The following TWIST1 variants were observed in gnomAD, a reference collection of about 807,000 sequenced individuals.
TWIST1 encodes twist-related protein 1.
Under a neutral mutation model 12.9 loss-of-function variants are expected in TWIST1, and 8 were observed. That is an observed-to-expected ratio of 0.62 (90% confidence interval 0.37 to 1.12). The LOEUF (loss-of-function observed/expected upper bound fraction) is 1.12. TWIST1 is among the 50% of genes most tolerant of loss of function. The pLI is 0.02. For synonymous variants in TWIST1, 169 were observed against 138.7 expected (o/e 1.22, Z -1.54); for missense variants, 268 against 299.7 (o/e 0.89, Z 0.78).
At position 19,117,173 on chromosome 7, in the gene TWIST1, G is replaced by C; in HGVS notation, c.149C>G (p.Ala50Gly). ...RSSRRSAGGG[A>G]GPGGAAGGGV... is the part of the protein sequence containing the mutation. Reference sequence around the variant, plus strand: ...CCCACCCGCGGCTCCGCCGGGCCCCGCGCCGCCGCCCGCGCTGCGCCTGCT... The same window carrying C: ...CCCACCCGCGGCTCCGCCGGGCCCCCCGCCGCCGCCCGCGCTGCGCCTGCT... Residue 50 changes from alanine to glycine, a missense_variant, in exon 1 of 2, where the codon GCG becomes GGG. By Grantham distance (60) the Ala-to-Gly change is moderately conservative. Transcript: ENST00000242261. 9.0e-7 allele frequency: 1 copy of C among 1,105,646 alleles called. No homozygotes were observed. Among genetic ancestry groups the C allele is most frequent in the South Asian group, 4.2e-5 (1 of 23,840 alleles). 68.5% of individuals were successfully genotyped at this position (1,105,646 alleles called of 1,614,324 possible).
downstream of TWIST1, among the ~76,000 whole-genome samples, chr7:19,114,458 T>C (rs543627377): frequency 2.0e-5 from 3 of 152,342 alleles, no homozygotes; most frequent in East Asian, 3.9e-4. Context: ...CCAGTTACAC[T>C]TGGATGCAGT....
intron 1 of TWIST1, among the ~76,000 whole-genome samples, 176 bp downstream of exon 1, chr7:19,116,495 G>A (rs1041490949): frequency 6.6e-6 from 1 of 152,162 alleles, no homozygotes. Flanking sequence ...TCCCTAGCGG[G>A]GTCAGACCGG....
intron 1 of TWIST1, 73 bp downstream of exon 1, chr7:19,116,598 C>T (rs548746046): frequency 4.1e-6 from 5 of 1,226,680 alleles, no homozygotes; most frequent in Non-Finnish European, 5.7e-6. Flanking sequence ...TCGAGGTGGA[C>T]TGGGAACCGC....
At chr7:19,114,947 T>C (rs576846140), downstream of TWIST1, among the ~76,000 whole-genome samples, 48 of 152,230 alleles carry the variant, frequency 3.2e-4, no homozygotes, top group Non-Finnish European at 5.4e-4. Flanking sequence ...GTTAAGCAAA[T>C]TACAAATGGA....
downstream of TWIST1, among the ~76,000 whole-genome samples, chr7:19,115,131 TGCA>T (rs572984498): frequency 7.9e-5 from 12 of 152,286 alleles, no homozygotes; most frequent in South Asian, 2.5e-3. Flanking sequence ...AAGAGAATAG[TGCA>T]GGTTTTATAC....
Position 19,117,472 on chromosome 7 carries a change from CG to C in TWIST1, c.-152del, listed in dbSNP as rs1788602716. On this transcript the variant is annotated 5_prime_UTR_variant, in exon 1 of 2. Transcript: ENST00000242261. ...GGAGGACGGACGGGAGGGACCTCCG[CG>C]GGGAGGGCGCGCGGGGGAGGCGGGG... The C allele has an allele frequency of 3.5e-6, 4 of 1,137,278 alleles. No homozygotes were observed. The highest frequency in any genetic ancestry group is 3.4e-5 in the South Asian group (1 of 29,166). 70.4% of individuals were successfully genotyped at this position (1,137,278 alleles called of 1,614,324 possible).
At chr7:19,113,098 G>C (rs1030334294), downstream of TWIST1, 2 of 152,120 alleles carry the variant, frequency 1.3e-5, no homozygotes, top group Admixed American at 6.5e-5. Context: ...TTTGGGGAGG[G>C]GAACCTGTAA....
At position 19,117,007 on chromosome 7, in the gene TWIST1, C is replaced by G. The variant is rs763711150; in HGVS notation, c.315G>C (p.Glu105Asp). The change falls in exon 1 of 2, where the codon GAG becomes GAC. Residue 105 changes from glutamate (E) to aspartate (D), a missense_variant. Glu to Asp is a conservative substitution (Grantham distance 45). Around this residue, in one of 2 missense-constraint regions of TWIST1, gnomAD observed 189 missense variants for 172.1 expected, o/e 1.10. Coordinates refer to ENST00000242261, the MANE Select transcript of TWIST1 (RefSeq NM_000474.4). ...TGGCCATGACCCGCTGCGTCTGCAG[C>G]TCCTCGTAAGACTGCGGACTCCCGC... ...SGGGSPQSYE[E>D]LQTQRVMANV... 1.4e-5 allele frequency: 22 copies of G among 1,604,044 alleles called. No individual in the cohort carries two copies. In the South Asian group the frequency reaches 2.0e-4, roughly 14 times the overall value.
rs1273367476 is a variant in TWIST1 at position 19,115,854 on chromosome 7, C to A, written c.*320G>T. ...TGAAAAAAATAAAAATAAAAACATT[C>A]TTCGTCAAAAAAAAAAAAAAAAAAA... On this transcript the variant is annotated 3_prime_UTR_variant, in exon 2 of 2. Coordinates refer to ENST00000242261, the MANE Select transcript of TWIST1 (RefSeq NM_000474.4). The A allele has an allele frequency of 3.5e-5, 4 of 112,720 alleles. No homozygotes were observed. Among genetic ancestry groups the A allele is most frequent in the African/African-American group, 7.7e-5 (2 of 26,016 alleles). 7.0% of individuals were successfully genotyped at this position (112,720 alleles called of 1,614,324 possible). A position where few individuals can be genotyped will look rare whatever the true frequency, so the allele number is the denominator to read the frequency against.
At chr7:19,113,479 G>T (rs567565512), downstream of TWIST1, 1 of 152,270 alleles carries the variant, frequency 6.6e-6, no homozygotes, top group Non-Finnish European at 1.5e-5. Context: ...AGATATAATG[G>T]TGGAGGAAAA....
chr7:19,116,303 G>A (rs889863473), intron 1 of TWIST1, among the ~76,000 whole-genome samples, 172 bp from the exon 2 acceptor site: 7 of 152,164 alleles, frequency 4.6e-5, no homozygotes, highest in Admixed American at 1.3e-4. Context: ...AAAGGAGGAG[G>A]AGGTGGAATT....
rs1788587908 is a variant in TWIST1, at chr7:19,117,065, C to G, written c.257G>C (p.Gly86Ala). 6 of 1,378,818 alleles carry G rather than the reference C, an allele frequency of 4.4e-6. No individual in the cohort carries two copies. The highest frequency in any genetic ancestry group is 5.6e-6 in the Non-Finnish European group (6 of 1,073,220). 85.4% of individuals were successfully genotyped at this position (1,378,818 alleles called of 1,614,324 possible). Residue 86 changes from glycine (G) to alanine (A), a missense_variant, in exon 1 of 2, where the codon GGC (glycine) becomes GCC (alanine). Gly to Ala is a moderately conservative substitution (Grantham distance 60). Coordinates refer to ENST00000242261, the MANE Select transcript of TWIST1 (RefSeq NM_000474.4). ...KKSAGCGGGGGAGGGGGSSSG... is the reference protein window; with the variant it reads ...KKSAGCGGGGAAGGGGGSSSG... Reference sequence around the variant, plus strand: ...GCTGCTGCCGCCGCCGCCGCCCGCGCCGCCGCCGCCGCCACAGCCCGCAGA... The same window carrying G: ...GCTGCTGCCGCCGCCGCCGCCCGCGGCGCCGCCGCCGCCACAGCCCGCAGA...
Position 19,117,238 on chromosome 7 carries a change from C to T in TWIST1, c.84G>A (p.Gln28=), listed in dbSNP as rs1422098660. 1.4e-6 allele frequency: 2 copies of T among 1,425,698 alleles called. No individual in the cohort carries two copies. Among genetic ancestry groups the T allele is most frequent in the South Asian group, 2.7e-5 (2 of 73,520 alleles). The allele number at this position is 1,425,698 out of a possible 1,614,324, so 88.3% of individuals were successfully genotyped here. ...GTCCCCCGCGCTTGCCGCTCGGCGG[C>T]TGCTGCCGGTCTGGCTCTTCCTCGC... The part of the protein sequence containing the change: ...SNSEEEPDRQ[Q]PPSGKRGGRK... The change falls in exon 1 of 2, where the codon CAG becomes CAA. Residue 28 remains glutamine (Q), a synonymous_variant. Coordinates refer to ENST00000242261, the MANE Select transcript of TWIST1 (RefSeq NM_000474.4).
At chr7:19,115,221 T>A (rs1788541067), downstream of TWIST1, among the ~76,000 whole-genome samples, 2 of 152,216 alleles carry the variant, frequency 1.3e-5, no homozygotes, top group Non-Finnish European at 2.9e-5. Context: ...TTGTTAAGTT[T>A]TTGCTGTTTG....
chr7:19,116,581 G>T, intron 1 of TWIST1, 90 bp downstream of exon 1: 2 of 1,018,472 alleles, frequency 2.0e-6, no homozygotes, highest in South Asian at 1.5e-5. Flanking sequence ...TGGGAGAGGG[G>T]AGGAAATCGA....
At position 19,117,214 on chromosome 7, in the gene TWIST1, TCCC is replaced by T; in HGVS notation, c.105_107del (p.Gly36del). On this transcript the variant is annotated inframe_deletion, in exon 1 of 2. Transcript: ENST00000242261. ...TGCGCCTGCTGCTGCGCCGCTTGCG[TCCC>T]CCGCGCTTGCCGCTCGGCGGCTGCT... is the stretch of plus-strand genomic sequence containing the variant. 7.2e-7 allele frequency: 1 copy of T among 1,385,128 alleles called. No homozygotes were observed. Among genetic ancestry groups the T allele is most frequent in the Non-Finnish European group, 9.4e-7 (1 of 1,063,308 alleles). The allele number at this position is 1,385,128 out of a possible 1,614,324, so 85.8% of individuals were successfully genotyped here.
chr7:19,114,586 C>A (rs939183831), downstream of TWIST1, among the ~76,000 whole-genome samples: 1 of 152,078 alleles, frequency 6.6e-6, no homozygotes, highest in African/African-American at 2.4e-5. Context: ...AATCAAACAC[C>A]CCCGTTTGCC....
At position 19,117,437 on chromosome 7, in the gene TWIST1, G is replaced by A. The variant is rs1788600959; in HGVS notation, c.-116C>T. ...CGGCCCGGGCGATGCGGCCCGCGGA[G>A]GAGAGAGCAGGAGGACGGACGGGAG... is the stretch of plus-strand genomic sequence containing the variant. On this transcript the variant is annotated 5_prime_UTR_variant, in exon 1 of 2. Transcript: ENST00000242261. The A allele has an allele frequency of 6.7e-6, 8 of 1,199,810 alleles. No individual in the cohort carries two copies. Among genetic ancestry groups the A allele is most frequent in the African/African-American group, 1.6e-5 (1 of 61,656 alleles). 74.3% of individuals were successfully genotyped at this position (1,199,810 alleles called of 1,614,324 possible).
At position 19,117,561 on chromosome 7, in the gene TWIST1, A is replaced by G. The variant is rs956173891; in HGVS notation, c.-240T>C. 9 of 1,122,544 alleles carry G rather than the reference A, an allele frequency of 8.0e-6. No homozygotes were observed. In the African/African-American group the frequency reaches 1.5e-4, roughly 19 times the overall value. The allele number at this position is 1,122,544 out of a possible 1,614,324, so 69.5% of individuals were successfully genotyped here. ...CCGAGGTCCAAAAAGAAAGCGCCCA[A>G]CGGCTGGACGCACACCCCGCCAGGC... On this transcript the variant is annotated 5_prime_UTR_variant, in exon 1 of 2. Transcript: ENST00000242261.
Sources: gnomAD v4.1 joint callset for allele counts (sites outside exome capture counted in the v4.1 genomes callset) on GRCh38, gnomAD v4.1.1 for gene constraint, gnomAD v4.1.1 regional missense constraint, MANE v1.5 for transcripts, NCBI Gene and HGNC (gene_info 2026-07-23, HGNC 2026-07-21) for gene names.